The following ENTPD4 variants were observed in gnomAD, a reference collection of about 807,000 sequenced individuals.
ENTPD4 encodes the protein Golgi UDPase.
Under a neutral mutation model 79.1 loss-of-function variants are expected in ENTPD4, and 60 were observed. That is an observed-to-expected ratio of 0.76 (90% confidence interval 0.62 to 0.94). The LOEUF (loss-of-function observed/expected upper bound fraction) is 0.94. Ranked by LOEUF, ENTPD4 falls within the 40% of genes least tolerant of loss-of-function variation. The probability of loss-of-function intolerance (pLI) is 0.00; values close to 1 mark genes in which losing one functional copy is unlikely to be tolerated. For missense variants in ENTPD4, 772 were observed against 775.1 expected (o/e 1.00, Z 0.05); for synonymous variants, 276 against 292.0 (o/e 0.95, Z 0.56).
intron 9 of ENTPD4, among the ~76,000 whole-genome samples, 195 bp downstream of exon 9, chr8:23,439,554 C>T (rs6991696): frequency 0.029 from 4,459 of 152,248 alleles, 225 homozygotes; most frequent in African/African-American, 0.1. Context: ...CTTCAGGGCA[C>T]GGTGGGACAG....
At chr8:23,443,794 GGGA>G in intron 6 of ENTPD4, 53 bp downstream of exon 6, 1 of 995,638 alleles carries the variant, frequency 1.0e-6, no homozygotes. Flanking sequence ...GGTGAAAATG[GGGA>G]GGATTTAAAG....
At chr8:23,436,895 T>C in intron 10 of ENTPD4, 39 bp downstream of exon 10, 2 of 1,496,038 alleles carry the variant, frequency 1.3e-6, no homozygotes, top group East Asian at 2.3e-5. Context: ...CACTGGTCTC[T>C]CAAAAGCATG....
At chr8:23,435,295 A>T in intron 11 of ENTPD4, 97 bp downstream of exon 11, 1 of 752,244 alleles carries the variant, frequency 1.3e-6, no homozygotes, top group Middle Eastern at 3.7e-4. Context: ...AGTGAGTGAG[A>T]AGAAGCTGGA....
At chr8:23,434,204 G>A (rs900242172) in intron 12 of ENTPD4, 113 bp downstream of exon 12, 19 of 1,394,194 alleles carry the variant, frequency 1.4e-5, no homozygotes, top group African/African-American at 7.2e-5. Flanking sequence ...CAATTCTGCC[G>A]TGGCCGGCTC....
At chr8:23,448,420 A>G (rs954474275) in intron 3 of ENTPD4, among the ~76,000 whole-genome samples, 2 of 152,200 alleles carry the variant, frequency 1.3e-5, no homozygotes, top group African/African-American at 4.8e-5. Flanking sequence ...CTAATCACCA[A>G]TGCGATGCTA....
chr8:23,450,814 G>A (rs1402645465), intron 1 of ENTPD4, among the ~76,000 whole-genome samples: 3 of 152,032 alleles, frequency 2.0e-5, no homozygotes, highest in East Asian at 3.9e-4. Flanking sequence ...AACAGCCTAT[G>A]AGCCATCTCT....
chr8:23,452,974 T>C (rs907180356), intron 1 of ENTPD4, among the ~76,000 whole-genome samples: 5 of 152,190 alleles, frequency 3.3e-5, no homozygotes, highest in Admixed American at 2.6e-4. Flanking sequence ...ATTCTTCTGT[T>C]TCCCCCGTGA....
Position 23,448,849 on chromosome 8 carries a change from T to C in ENTPD4, c.99A>G (p.Gln33=), listed in dbSNP as rs779036062. 4.3e-6 allele frequency: 7 copies of C among 1,614,074 alleles called. No homozygotes were observed. The highest frequency in any genetic ancestry group is 5.1e-6 in the Non-Finnish European group (6 of 1,179,948). ...CPRILNTNLR[Q]IMVISVLAAA... Reference sequence around the variant, plus strand: ...CAGCCAGGACACTAATGACCATAATTTGGCGTAAATTGGTATTCAGAATTC... The same window carrying C: ...CAGCCAGGACACTAATGACCATAATCTGGCGTAAATTGGTATTCAGAATTC... The change falls in exon 3 of 13, where the codon CAA becomes CAG. Residue 33 remains glutamine, a synonymous_variant. Coordinates refer to ENST00000358689, the MANE Select transcript of ENTPD4 (RefSeq NM_004901.5).
Position 23,437,123 on chromosome 8 carries a change from A to G in ENTPD4, c.1185T>C (p.Cys395=). The G allele has an allele frequency of 6.2e-7, 1 of 1,614,228 alleles. No homozygotes were observed. Among genetic ancestry groups the G allele is most frequent in the African/African-American group, 1.3e-5 (1 of 75,062 alleles). ...TCATGAAAGGCTGGATAGTCTCTCG[A>G]CACAGGTCAAAGTCTCCAGTCCCTC... The part of the protein sequence containing the change: ...YLRGTGDFDL[C]RETIQPFMNK... Residue 395 remains cysteine (C), a synonymous_variant, in exon 10 of 13, where the codon TGT becomes TGC. Coordinates refer to ENST00000358689, the MANE Select transcript of ENTPD4 (RefSeq NM_004901.5).
chr8:23,455,225 GTTAGTGAACTCAAA>G (rs1800937120), intron 1 of ENTPD4, among the ~76,000 whole-genome samples: 1 of 152,222 alleles, frequency 6.6e-6, no homozygotes, highest in Non-Finnish European at 1.5e-5. Context: ...GGAAACAGAT[GTTAGTGAACTCAAA>G]TCACAGGCAA....
intron 4 of ENTPD4, among the ~76,000 whole-genome samples, chr8:23,445,192 C>T (rs3779896): frequency 0.24 from 36,978 of 152,106 alleles, 4,730 homozygotes; most frequent in Admixed American, 0.34. Context: ...TCCCTCATCC[C>T]AACACACAAC....
At chr8:23,454,079 C>A (rs577959157) in intron 1 of ENTPD4, among the ~76,000 whole-genome samples, 1 of 152,334 alleles carries the variant, frequency 6.6e-6, no homozygotes, top group South Asian at 2.1e-4. Flanking sequence ...CAGGTATCAT[C>A]TTTATTTTCT....
At position 23,431,855 on chromosome 8, in the gene ENTPD4, A is replaced by G; in HGVS notation, c.*1071T>C. 1.0e-6 allele frequency: 1 copy of G among 985,460 alleles called. No individual in the cohort carries two copies. Among genetic ancestry groups the G allele is most frequent in the South Asian group, 4.7e-5 (1 of 21,290 alleles). 61.0% of individuals were successfully genotyped at this position (985,460 alleles called of 1,614,324 possible). A position where few individuals can be genotyped will look rare whatever the true frequency, so the allele number is the denominator to read the frequency against. On this transcript the variant is annotated 3_prime_UTR_variant, in exon 13 of 13. Transcript: ENST00000358689. ...ATTCTTTCAAAACCACAGTGTTCTA[A>G]TGCCACTGAAATATGGAATAAGGAG... is the stretch of plus-strand genomic sequence containing the variant.
Position 23,430,295 on chromosome 8 carries a change from G to C in ENTPD4, c.*2631C>G, listed in dbSNP as rs1210552854. The C allele has an allele frequency of 1.2e-5, 12 of 985,312 alleles. 1 individual carries two copies. In the Middle Eastern group the frequency reaches 1.5e-3, roughly 127 times the overall value. 61.0% of individuals were successfully genotyped at this position (985,312 alleles called of 1,614,324 possible). A position where few individuals can be genotyped will look rare whatever the true frequency, so the allele number is the denominator to read the frequency against. On this transcript the variant is annotated 3_prime_UTR_variant, in exon 13 of 13. Coordinates refer to ENST00000358689, the MANE Select transcript of ENTPD4 (RefSeq NM_004901.5). ...TTAAACAATTTTGGGTGAGGGGCAG[G>C]TTTCTTGGTTTGTTTCAAAACTCAT...
At chr8:23,437,305 G>T in intron 9 of ENTPD4, 47 bp from the exon 10 acceptor site, 1 of 1,453,422 alleles carries the variant, frequency 6.9e-7, no homozygotes, top group Non-Finnish European at 9.3e-7. Context: ...AGAAAACTGT[G>T]TTTTCAGGAA....
rs1284203777 is a variant in ENTPD4 at position 23,429,853 on chromosome 8, ATG to A, written c.*3071_*3072del. The A allele has an allele frequency of 1.0e-6, 1 of 985,352 alleles. No individual in the cohort carries two copies. The highest frequency in any genetic ancestry group is 1.2e-6 in the Non-Finnish European group (1 of 829,938). The allele number at this position is 985,352 out of a possible 1,614,324, so 61.0% of individuals were successfully genotyped here. On this transcript the variant is annotated 3_prime_UTR_variant, in exon 13 of 13. Coordinates refer to ENST00000358689, the MANE Select transcript of ENTPD4 (RefSeq NM_004901.5). Reference sequence around the variant, plus strand: ...GGGCAAAAAGCACTGGTACAGTTCCATGTGTTTCTCTTCTACTGTAATGTCCC... The same window carrying A: ...GGGCAAAAAGCACTGGTACAGTTCCATGTTTCTCTTCTACTGTAATGTCCC...
At chr8:23,441,758 C>A in intron 7 of ENTPD4, 35 bp from the exon 8 acceptor site, 1 of 1,606,960 alleles carries the variant, frequency 6.2e-7, no homozygotes, top group Non-Finnish European at 8.5e-7. Flanking sequence ...TGGAACAGAA[C>A]TAATCCAGAG....
intron 1 of ENTPD4, among the ~76,000 whole-genome samples, chr8:23,455,167 C>T (rs778766352): frequency 6.6e-6 from 1 of 152,184 alleles, no homozygotes; most frequent in Non-Finnish European, 1.5e-5. Flanking sequence ...CAATGCAAAT[C>T]AACCACAAAG....
intron 9 of ENTPD4, among the ~76,000 whole-genome samples, chr8:23,438,892 T>G (rs537736802): frequency 2.0e-5 from 3 of 152,328 alleles, no homozygotes; most frequent in Admixed American, 2.0e-4. Flanking sequence ...TTTTTCAAGT[T>G]CAGGCCTTCA....
Sources: gnomAD v4.1 joint callset for allele counts (sites outside exome capture counted in the v4.1 genomes callset) on GRCh38, gnomAD v4.1.1 for gene constraint, MANE v1.5 for transcripts, NCBI Gene and HGNC (gene_info 2026-07-23, HGNC 2026-07-21) for gene names.